PLD1: variants seen among roughly 807,000 people sequenced by gnomAD.
PLD1 encodes the protein phospholipase D1.
In PLD1, 112 loss-of-function variants were observed where a neutral mutation model predicts 137.1. That is an observed-to-expected ratio of 0.82 (90% CI 0.70 to 0.96). The LOEUF is 0.96. Ranked by LOEUF, PLD1 falls within the 40% of genes least tolerant of loss-of-function variation. The probability of loss-of-function intolerance (pLI) is 0.00; values close to 1 mark genes in which losing one functional copy is unlikely to be tolerated. For missense variants in PLD1, 1,321 were observed against 1,342.0 expected (o/e 0.98, Z 0.24); for synonymous variants, 431 against 454.7 (o/e 0.95, Z 0.66).
chr3:171,738,501 A>T (rs1401932038), intron 1 of PLD1, among the ~76,000 whole-genome samples: 1 of 152,212 alleles, frequency 6.6e-6, no homozygotes, highest in Non-Finnish European at 1.5e-5. Context: ...ATATTTCCTA[A>T]AGAAAATTTA....
At chr3:171,754,829 C>T (rs1720903208) in intron 1 of PLD1, among the ~76,000 whole-genome samples, 1 of 152,180 alleles carries the variant, frequency 6.6e-6, no homozygotes, top group South Asian at 2.1e-4. Flanking sequence ...CAGAGATTTG[C>T]CCTGTGACTC....
At chr3:171,636,149 T>C (rs931535232) in intron 23 of PLD1, among the ~76,000 whole-genome samples, 1 of 151,948 alleles carries the variant, frequency 6.6e-6, no homozygotes, top group African/African-American at 2.4e-5. Flanking sequence ...GACCTGTAAG[T>C]CTAACTTTAT....
At chr3:171,620,561 A>C in intron 23 of PLD1, 41 bp from the exon 24 acceptor site, 1 of 1,257,038 alleles carries the variant, frequency 8.0e-7, no homozygotes, top group Non-Finnish European at 1.1e-6. Context: ...AATATGACCA[A>C]GCTCAATAAA....
intron 9 of PLD1, among the ~76,000 whole-genome samples, chr3:171,710,566 C>T (rs1458690008): frequency 6.6e-6 from 1 of 152,182 alleles, no homozygotes; most frequent in Non-Finnish European, 1.5e-5. Flanking sequence ...GAAGGCGGAA[C>T]TCAGGTGGTA....
At chr3:171,626,606 G>A (rs1219261525) in intron 23 of PLD1, among the ~76,000 whole-genome samples, 1 of 152,056 alleles carries the variant, frequency 6.6e-6, no homozygotes, top group Non-Finnish European at 1.5e-5. Context: ...CAGAGAGAAA[G>A]GTCGGGTTAC....
chr3:171,782,453 T>C (rs1390607658), intron 1 of PLD1, among the ~76,000 whole-genome samples: 2 of 152,284 alleles, frequency 1.3e-5, no homozygotes, highest in Non-Finnish European at 2.9e-5. Context: ...TAATCATATG[T>C]ACCCTGAAAT....
intron 24 of PLD1, among the ~76,000 whole-genome samples, chr3:171,613,202 A>T (rs1486879324): frequency 2.6e-5 from 4 of 152,226 alleles, no homozygotes; most frequent in Admixed American, 2.6e-4. Flanking sequence ...ATTAAAAAAG[A>T]AGAAAGATTC....
chr3:171,805,217 C>G (rs1333915771), intron 1 of PLD1, among the ~76,000 whole-genome samples: 1 of 152,084 alleles, frequency 6.6e-6, no homozygotes. Context: ...GTTCCCAACT[C>G]TAGATCCAAA....
chr3:171,644,280 C>A (rs1444166927), intron 22 of PLD1, among the ~76,000 whole-genome samples: 1 of 152,182 alleles, frequency 6.6e-6, no homozygotes, highest in Non-Finnish European at 1.5e-5. Flanking sequence ...CCCAACCCAC[C>A]AGCTAGCACT....
chr3:171,644,894 T>C lies in PLD1; in HGVS notation c.2543+16A>G, dbSNP rs745616667. ...ATGACCGAAAGCTCAAAATAGACCA[T>C]TTAGAGTTTTGGCACCTGTAGTTGA... On this transcript the variant is annotated intron_variant, in intron 22 of 26. Coordinates refer to ENST00000351298, the MANE Select transcript of PLD1 (RefSeq NM_002662.5). 22 of 1,491,024 alleles carry C rather than the reference T, an allele frequency of 1.5e-5. 1 individual carries two copies. In the Admixed American group the frequency reaches 3.7e-4, roughly 25 times the overall value. 92.4% of individuals were successfully genotyped at this position (1,491,024 alleles called of 1,614,324 possible). A position where few individuals can be genotyped will look rare whatever the true frequency, so the allele number is the denominator to read the frequency against.
At chr3:171,746,081 C>T (rs1191736399) in intron 1 of PLD1, among the ~76,000 whole-genome samples, 1 of 152,218 alleles carries the variant, frequency 6.6e-6, no homozygotes, top group Non-Finnish European at 1.5e-5. Context: ...GCCCGCCCCA[C>T]TGCGCTTGAA....
At chr3:171,639,582 T>TA (rs1361577986) in intron 23 of PLD1, among the ~76,000 whole-genome samples, 13 of 74,906 alleles carry the variant, frequency 1.7e-4, no homozygotes, top group African/African-American at 3.9e-4. Flanking sequence ...TAATATATAT[T>TA]CATATAATAT....
intron 8 of PLD1, among the ~76,000 whole-genome samples, chr3:171,720,488 C>T (rs1323077129): frequency 6.6e-6 from 1 of 150,678 alleles, no homozygotes; most frequent in Non-Finnish European, 1.5e-5. Flanking sequence ...GAGCCTGAGG[C>T]AGGAGAACGG....
chr3:171,619,222 C>T (rs1733384913), intron 24 of PLD1, among the ~76,000 whole-genome samples: 1 of 152,140 alleles, frequency 6.6e-6, no homozygotes, highest in Non-Finnish European at 1.5e-5. Context: ...TATACTCTAT[C>T]ATCCTGGACT....
At chr3:171,659,448 G>GA in intron 20 of PLD1, 147 bp from the exon 21 acceptor site, 3 of 556,658 alleles carry the variant, frequency 5.4e-6, no homozygotes, top group Admixed American at 6.3e-5. Flanking sequence ...CAACGACACA[G>GA]AAAAAAAGCC....
At chr3:171,808,024 G>T (rs898849543) in intron 1 of PLD1, among the ~76,000 whole-genome samples, 2 of 152,136 alleles carry the variant, frequency 1.3e-5, no homozygotes, top group Non-Finnish European at 2.9e-5. Flanking sequence ...GGTAAACATT[G>T]GGTACTTATG....
intron 1 of PLD1, among the ~76,000 whole-genome samples, chr3:171,759,270 C>T (rs1342535907): frequency 1.3e-5 from 2 of 152,140 alleles, no homozygotes; most frequent in African/African-American, 4.8e-5. Context: ...TGTCCTCTCA[C>T]AAGAGAGTTC....
intron 17 of PLD1, 119 bp downstream of exon 17, chr3:171,677,447 T>G (rs546632519): frequency 9.7e-7 from 1 of 1,032,916 alleles, no homozygotes; most frequent in Admixed American, 2.6e-5. Flanking sequence ...TTTTAAAAAA[T>G]TTTCAAAAAT....
intron 1 of PLD1, among the ~76,000 whole-genome samples, chr3:171,784,888 C>G (rs1395217300): frequency 6.6e-6 from 1 of 152,174 alleles, no homozygotes; most frequent in East Asian, 1.9e-4. Context: ...CCATATTTAC[C>G]ATTGTAGTGG....
Sources: gnomAD v4.1 joint callset for allele counts (sites outside exome capture counted in the v4.1 genomes callset) on GRCh38, gnomAD v4.1.1 for gene constraint, MANE v1.5 for transcripts, NCBI Gene and HGNC (gene_info 2026-07-23, HGNC 2026-07-21) for gene names.